The following TARBP1 variants were observed in gnomAD, a reference collection of about 807,000 sequenced individuals.
TARBP1 encodes the protein tRNA guanosine 2 -O-methyltransferase TARBP1, also known as tRNA (guanosine(18)-2'-O)-methyltransferase TARBP1.
Under a neutral mutation model 178.6 loss-of-function variants are expected in TARBP1, and 144 were observed. The ratio of observed to expected loss-of-function variants is 0.81; its 90% CI spans 0.70 to 0.93. TARBP1 has a LOEUF of 0.93. TARBP1 is among the 40% of genes least tolerant of loss of function. The pLI, the probability that TARBP1 is intolerant of heterozygous loss-of-function variation, is 0.00. For synonymous variants in TARBP1, 787 were observed against 781.0 expected (o/e 1.01, Z -0.13); for missense variants, 2,067 against 2,011.7 (o/e 1.03, Z -0.53).
chr1:234,443,417 G>C (rs1022409982), intron 12 of TARBP1, among the ~76,000 whole-genome samples: 2 of 152,086 alleles, frequency 1.3e-5, no homozygotes, highest in Non-Finnish European at 2.9e-5. Context: ...TCAAAATCAT[G>C]ATGAAGTAGC....
chr1:234,454,732 C>A (rs1409472629), intron 9 of TARBP1, among the ~76,000 whole-genome samples: 1 of 152,218 alleles, frequency 6.6e-6, no homozygotes, highest in Non-Finnish European at 1.5e-5. Context: ...AAAAATCCTG[C>A]TTCACAACAG....
intron 25 of TARBP1, 74 bp from the exon 26 acceptor site, chr1:234,398,627 A>C (rs537556127): frequency 8.9e-7 from 1 of 1,126,046 alleles, no homozygotes; most frequent in African/African-American, 1.6e-5. Context: ...TTAAAATACA[A>C]CTTAATTATT....
intron 20 of TARBP1, among the ~76,000 whole-genome samples, chr1:234,423,933 T>G (rs997515107): frequency 6.6e-6 from 1 of 152,078 alleles, no homozygotes; most frequent in African/African-American, 2.4e-5. Context: ...ATAACATGTA[T>G]TTTTGTTCTG....
At chr1:234,431,023 A>G (rs1287268841) in intron 14 of TARBP1, among the ~76,000 whole-genome samples, 2 of 152,232 alleles carry the variant, frequency 1.3e-5, no homozygotes, top group Non-Finnish European at 2.9e-5. Context: ...TAGCCAAGAC[A>G]ACCTGGTCTA....
At chr1:234,398,207 G>A in intron 26 of TARBP1, 175 bp downstream of exon 26, 1 of 378,530 alleles carries the variant, frequency 2.6e-6, no homozygotes, top group Non-Finnish European at 4.5e-6. Context: ...TTCACTAAAA[G>A]TGTTAGTCAA....
At chr1:234,414,862 T>G (rs1030508305) in intron 22 of TARBP1, among the ~76,000 whole-genome samples, 1 of 152,124 alleles carries the variant, frequency 6.6e-6, no homozygotes, top group South Asian at 2.1e-4. Flanking sequence ...TGCACACCTG[T>G]AGTCCCAGCT....
rs1666404542 is a variant in TARBP1 at position 234,448,466 on chromosome 1, A to G, written c.1961+14T>C. ...TTTCAAATAGGCTTTCTTTTCAATT[A>G]CAGAAACAATTACCTATACTGAGTC... is the stretch of plus-strand genomic sequence containing the variant. On this transcript the variant is annotated intron_variant, in intron 11 of 29. Coordinates refer to ENST00000040877, the MANE Select transcript of TARBP1 (RefSeq NM_005646.4). 6.2e-7 allele frequency: 1 copy of G among 1,604,254 alleles called. No individual in the cohort carries two copies. The highest frequency in any genetic ancestry group is 2.2e-5 in the East Asian group (1 of 44,816).
Position 234,399,366 on chromosome 1 carries a change from C to G in TARBP1, c.4072-813G>C, listed in dbSNP as rs904785403. 5.2e-4 allele frequency among the ~76,000 whole-genome samples: 79 copies of G among 152,102 alleles called. 1 individual carries two copies. The highest frequency in any genetic ancestry group is 3.2e-3 in the Middle Eastern group (1 of 316). ...CTATATCTGTGCAAACTTAAACTGG[C>G]ACAATGATCACGACTACATGTTGAT... On this transcript the variant is annotated intron_variant, in intron 25 of 29. Coordinates refer to ENST00000040877, the MANE Select transcript of TARBP1 (RefSeq NM_005646.4).
intron 10 of TARBP1, among the ~76,000 whole-genome samples, chr1:234,448,937 G>A (rs903090075): frequency 3.9e-5 from 6 of 152,146 alleles, no homozygotes; most frequent in African/African-American, 1.4e-4. Context: ...TGGTGCTAGT[G>A]GAGTCTACAC....
Position 234,479,156 on chromosome 1 carries a change from G to C in TARBP1, c.-53C>G, listed in dbSNP as rs530412206. On this transcript the variant is annotated 5_prime_UTR_variant, in exon 1 of 30. Coordinates refer to ENST00000040877, the MANE Select transcript of TARBP1 (RefSeq NM_005646.4). Reference sequence around the variant, plus strand: ...GGCTCCCAAAGGAAGGCGCCGGCGTGTGCGATGCGTGCGCACAGGACCGGC... The same window carrying C: ...GGCTCCCAAAGGAAGGCGCCGGCGTCTGCGATGCGTGCGCACAGGACCGGC... 14 of 1,439,062 alleles carry C rather than the reference G, an allele frequency of 9.7e-6. No individual in the cohort carries two copies. In the East Asian group the frequency reaches 3.4e-4, roughly 35 times the overall value. The allele number at this position is 1,439,062 out of a possible 1,614,324, so 89.1% of individuals were successfully genotyped here. A position where few individuals can be genotyped will look rare whatever the true frequency, so the allele number is the denominator to read the frequency against.
Position 234,465,645 on chromosome 1 carries a change from T to A in TARBP1, c.1301+11A>T. Reference sequence around the variant, plus strand: ...ATGTATCAAATACTTCATAACATAATGTCTCTTTACCTGCTATACAGAGAG... The same window carrying A: ...ATGTATCAAATACTTCATAACATAAAGTCTCTTTACCTGCTATACAGAGAG... On this transcript the variant is annotated intron_variant, in intron 5 of 29. Transcript: ENST00000040877. 1 of 1,558,254 alleles carries A rather than the reference T, an allele frequency of 6.4e-7. No individual in the cohort carries two copies. The highest frequency in any genetic ancestry group is 2.1e-5 in the Admixed American group (1 of 47,124).
At chr1:234,398,646 A>T (rs1262706555) in intron 25 of TARBP1, 93 bp from the exon 26 acceptor site, 1 of 983,120 alleles carries the variant, frequency 1.0e-6, no homozygotes, top group Non-Finnish European at 1.4e-6. Flanking sequence ...TTAATGATAT[A>T]TTCTCCAAAC....
intron 20 of TARBP1, among the ~76,000 whole-genome samples, chr1:234,422,403 T>C (rs1389805674): frequency 2.0e-5 from 3 of 152,058 alleles, no homozygotes; most frequent in Admixed American, 1.3e-4. Context: ...TATTTGGCCA[T>C]AAAAAAGAAT....
rs568936769 is a variant in TARBP1, at chr1:234,395,203, C to T, written c.4244-1366G>A. ...CGTGCCACTTCACTCCAGCCTGCAG[C>T]CTGAGAGACAGAGCGAGACTCCGTC... is the stretch of plus-strand genomic sequence containing the variant. On this transcript the variant is annotated intron_variant, in intron 26 of 29. Transcript: ENST00000040877. 4.3e-4 allele frequency among the ~76,000 whole-genome samples: 66 copies of T among 152,152 alleles called. No individual in the cohort carries two copies. In the South Asian group the frequency reaches 0.013, roughly 31 times the overall value.
intron 12 of TARBP1, among the ~76,000 whole-genome samples, chr1:234,438,411 GGAAATGGAAACTAGAAATCCTCAGCA>G (rs1665254039): frequency 6.6e-6 from 1 of 152,050 alleles, no homozygotes; most frequent in Non-Finnish European, 1.5e-5. Flanking sequence ...CAATCTTGAA[GGAAATGGAAACTAGAAATCCTCAGCA>G]AAGAAACAGA....
intron 9 of TARBP1, among the ~76,000 whole-genome samples, chr1:234,452,509 CAAT>C (rs1254952096): frequency 6.6e-6 from 1 of 152,150 alleles, no homozygotes; most frequent in African/African-American, 2.4e-5. Context: ...GGAATTACAA[CAAT>C]AAGACACCAC....
intron 5 of TARBP1, 39 bp downstream of exon 5, chr1:234,465,617 T>G (rs1668351823): frequency 6.6e-7 from 1 of 1,511,208 alleles, no homozygotes. Context: ...TAACATGAAA[T>G]GTATGTATCA....
At chr1:234,469,773 A>G (rs1400322601) in intron 3 of TARBP1, among the ~76,000 whole-genome samples, 2 of 152,278 alleles carry the variant, frequency 1.3e-5, no homozygotes, top group Non-Finnish European at 2.9e-5. Flanking sequence ...AGGAAGCTCC[A>G]GCTTCATTGT....
intron 22 of TARBP1, among the ~76,000 whole-genome samples, chr1:234,413,853 G>A (rs1315580245): frequency 6.6e-6 from 1 of 152,178 alleles, no homozygotes; most frequent in East Asian, 1.9e-4. Flanking sequence ...AGAAGAGAGA[G>A]AACTCAGAAA....
Sources: allele counts gnomAD v4.1 joint callset (sites outside exome capture counted in the v4.1 genomes callset), GRCh38; gene constraint gnomAD v4.1.1; transcripts MANE v1.5; gene names NCBI Gene and HGNC (gene_info 2026-07-23, HGNC 2026-07-21).